The following GPD2 variants were observed in gnomAD, a reference collection of about 807,000 sequenced individuals.
The protein encoded by GPD2 is glycerol-3-phosphate dehydrogenase, mitochondrial.
A neutral mutation model predicts 82.4 loss-of-function variants in GPD2; 54 were observed. The observed-to-expected ratio is 0.66, with a 90% CI of 0.53 to 0.82. The LOEUF is 0.82. Among genes scored for constraint, GPD2 ranks in the 40% least tolerant of loss-of-function variants. The pLI is 0.00. For missense variants in GPD2, 748 were observed against 896.2 expected (o/e 0.83, Z 2.11); for synonymous variants, 288 against 306.1 (o/e 0.94, Z 0.62).
intron 1 of GPD2, among the ~76,000 whole-genome samples, chr2:156,450,695 TG>T (rs1344416432): frequency 8.6e-6 from 1 of 115,730 alleles, no homozygotes; most frequent in Non-Finnish European, 1.8e-5. Context: ...TGCTCATTCT[TG>T]GGTGTTTCTC....
the GPD2 span, among the ~76,000 whole-genome samples, chr2:156,406,998 G>T: frequency 0.023 from 3,509 of 152,218 alleles, 75 homozygotes; most frequent in Non-Finnish European, 0.033. Flanking sequence ...ATCACCTGAG[G>T]TCACGAGTTT....
upstream of GPD2, among the ~76,000 whole-genome samples, chr2:156,432,148 A>T (rs974890581): frequency 1.3e-5 from 2 of 152,234 alleles, no homozygotes; most frequent in Non-Finnish European, 2.9e-5. Flanking sequence ...TTGGCCTCCC[A>T]AAGTGCTGGG....
At chr2:156,475,469 C>T (rs1683476562) in intron 1 of GPD2, among the ~76,000 whole-genome samples, 1 of 152,130 alleles carries the variant, frequency 6.6e-6, no homozygotes, top group South Asian at 2.1e-4. Context: ...GCTGGGATCA[C>T]AGGCATCCAC....
chr2:156,506,448 T>C (rs1386762687), intron 3 of GPD2, among the ~76,000 whole-genome samples: 1 of 152,200 alleles, frequency 6.6e-6, no homozygotes, highest in African/African-American at 2.4e-5. Context: ...TGATAACTTT[T>C]AAAATGTCCA....
chr2:156,512,368 A>G, intron 5 of GPD2, 51 bp downstream of exon 5: 1 of 871,850 alleles, frequency 1.1e-6, no homozygotes, highest in Non-Finnish European at 2.0e-6. Context: ...CGGTCAATAG[A>G]ACAACAGTTT....
chr2:156,510,681 A>T, intron 3 of GPD2, 115 bp from the exon 4 acceptor site: 1 of 812,374 alleles, frequency 1.2e-6, no homozygotes, highest in Non-Finnish European at 2.1e-6. Flanking sequence ...ATACAAATTT[A>T]TCCATGTTCA....
intron 1 of GPD2, among the ~76,000 whole-genome samples, chr2:156,448,189 A>C (rs1219793011): frequency 6.6e-6 from 1 of 151,106 alleles, no homozygotes; most frequent in Non-Finnish European, 1.5e-5. Context: ...GCTCATTGCA[A>C]CCTCCGCCTC....
the GPD2 span, among the ~76,000 whole-genome samples, chr2:156,427,038 C>A: frequency 6.6e-6 from 1 of 152,192 alleles, no homozygotes; most frequent in Non-Finnish European, 1.5e-5. Context: ...CTCAATCAAC[C>A]CCTGAGGGAG....
chr2:156,513,528 A>G, intron 6 of GPD2, 32 bp downstream of exon 6: 1 of 1,554,066 alleles, frequency 6.4e-7, no homozygotes, highest in Non-Finnish European at 8.9e-7. Context: ...TTTCCTCACA[A>G]GATACTTTTC....
At chr2:156,502,936 C>G (rs1176687908) in intron 3 of GPD2, among the ~76,000 whole-genome samples, 1 of 151,534 alleles carries the variant, frequency 6.6e-6, no homozygotes, top group African/African-American at 2.4e-5. Context: ...TTCTTTTCCC[C>G]CTTTTCTGCC....
intron 1 of GPD2, among the ~76,000 whole-genome samples, chr2:156,452,569 G>A (rs1487879003): frequency 6.6e-6 from 1 of 152,188 alleles, no homozygotes; most frequent in Non-Finnish European, 1.5e-5. Flanking sequence ...GGAGAGGGGA[G>A]AGGGGAGAGG....
chr2:156,403,660 G>T, the GPD2 span, among the ~76,000 whole-genome samples: 1 of 151,326 alleles, frequency 6.6e-6, no homozygotes, highest in South Asian at 2.1e-4. Context: ...TGTGCATCCA[G>T]CAGTCCACCC....
chr2:156,560,539 C>T (rs559348603), intron 9 of GPD2, among the ~76,000 whole-genome samples: 4 of 152,190 alleles, frequency 2.6e-5, no homozygotes, highest in South Asian at 4.2e-4. Flanking sequence ...TCCCTGTGTG[C>T]GGCACCTGTC....
Position 156,496,161 on chromosome 2 carries a change from G to A in GPD2, c.220G>A (p.Val74Ile). 6.2e-7 allele frequency: 1 copy of A among 1,612,944 alleles called. No homozygotes were observed. Among genetic ancestry groups the A allele is most frequent in the Non-Finnish European group, 8.5e-7 (1 of 1,179,062 alleles). ...AAACACATCTGAATTTGATATCCTT[G>A]TTATTGGAGGAGGAGCAACAGGAAG... ...LQNTSEFDIL[V>I]IGGGATGSGC... Residue 74 changes from valine (V) to isoleucine (I), a missense_variant, in exon 3 of 17, where the codon GTT becomes ATT. By Grantham distance (29) the Val-to-Ile change is conservative (BLOSUM62 3). This residue lies in a region of GPD2 where 692 missense variants were observed against 809.7 expected (regional missense o/e 0.85). Coordinates refer to ENST00000438166, the MANE Select transcript of GPD2 (RefSeq NM_000408.5).
In GPD2 at chr2:156,550,752, T is replaced by C; in HGVS notation, c.971+6T>C. 5 of 1,611,950 alleles carry C rather than the reference T, an allele frequency of 3.1e-6. No homozygotes were observed. The highest frequency in any genetic ancestry group is 4.2e-6 in the Non-Finnish European group (5 of 1,178,134). On this transcript the variant is annotated splice_donor_region_variant and intron_variant, in intron 8 of 16. Transcript: ENST00000438166. The stretch of plus-strand genomic sequence containing the variant: ...GTGATGCCTGGTTATTACAGGTAAT[T>C]GTCTTCCAATGTGGCAGTTGTCACC...
chr2:156,529,821 A>G (rs926835686), intron 6 of GPD2, among the ~76,000 whole-genome samples: 8 of 152,036 alleles, frequency 5.3e-5, no homozygotes, highest in Non-Finnish European at 1.0e-4. Flanking sequence ...TACCAGTACC[A>G]TGCTGTTTTG....
chr2:156,534,161 G>A (rs1352419746), intron 6 of GPD2, among the ~76,000 whole-genome samples: 2 of 152,128 alleles, frequency 1.3e-5, no homozygotes, highest in African/African-American at 4.8e-5. Context: ...TATGAACTTC[G>A]CCTGGAGTTT....
chr2:156,561,690 G>A (rs934727747), intron 9 of GPD2, among the ~76,000 whole-genome samples: 16 of 152,232 alleles, frequency 1.1e-4, no homozygotes, highest in African/African-American at 3.9e-4. Flanking sequence ...CAATAGTTTT[G>A]AAGTGTTTTA....
chr2:156,492,639 T>C (rs1013946813), intron 2 of GPD2, among the ~76,000 whole-genome samples: 2 of 151,924 alleles, frequency 1.3e-5, no homozygotes, highest in Admixed American at 1.3e-4. Context: ...TGGGTAAATG[T>C]GTGAAGGCCT....
Sources: gnomAD v4.1 joint callset for allele counts (sites outside exome capture counted in the v4.1 genomes callset) on GRCh38, gnomAD v4.1.1 for gene constraint, gnomAD v4.1.1 regional missense constraint, MANE v1.5 for transcripts, NCBI Gene and HGNC (gene_info 2026-07-23, HGNC 2026-07-21) for gene names.